FRMD6: variants seen among roughly 807,000 people sequenced by gnomAD.
FRMD6 encodes FERM domain containing 6.
In FRMD6, 37 loss-of-function variants were observed where a neutral mutation model predicts 73.2. The observed-to-expected ratio is 0.51, with a 90% CI of 0.39 to 0.66. FRMD6 has a LOEUF of 0.66. FRMD6 is among the 30% of genes least tolerant of loss of function. The probability of loss-of-function intolerance (pLI) is 0.00; values close to 1 mark genes in which losing one functional copy is unlikely to be tolerated. For missense variants in FRMD6, 714 were observed against 780.5 expected, an observed-to-expected ratio of 0.91 and a Z score of 1.02; for synonymous variants, 273 against 282.2, an observed-to-expected ratio of 0.97 and a Z score of 0.33.
At chr14:51,444,605 C>G in the FRMD6 span, among the ~76,000 whole-genome samples, 7 of 152,310 alleles carry the variant, frequency 4.6e-5, no homozygotes, top group South Asian at 2.1e-4. Flanking sequence ...TCTGACTCAT[C>G]TCTTTTAAGC....
At chr14:51,711,082 A>G (rs1226344111) in intron 7 of FRMD6, among the ~76,000 whole-genome samples, 1 of 152,206 alleles carries the variant, frequency 6.6e-6, no homozygotes, top group Non-Finnish European at 1.5e-5. Context: ...AGTTTTAAAC[A>G]TATAAAGTCT....
At chr14:51,510,930 C>T (rs978467536) in intron 1 of FRMD6, among the ~76,000 whole-genome samples, 1 of 152,136 alleles carries the variant, frequency 6.6e-6, no homozygotes, top group Non-Finnish European at 1.5e-5. Context: ...TTCTTCCTTT[C>T]GTCTCTGCTC....
intron 2 of FRMD6, among the ~76,000 whole-genome samples, chr14:51,620,840 G>T (rs1188336672): frequency 6.6e-6 from 1 of 152,202 alleles, no homozygotes; most frequent in Non-Finnish European, 1.5e-5. Flanking sequence ...CCCTGCTGCA[G>T]ACATATCATT....
chr14:51,549,635 G>T (rs1180502415), intron 1 of FRMD6, among the ~76,000 whole-genome samples: 4 of 113,732 alleles, frequency 3.5e-5, no homozygotes, highest in African/African-American at 7.0e-5. Flanking sequence ...TCTCGCTGTC[G>T]CCCGGGCTGG....
the FRMD6 span, among the ~76,000 whole-genome samples, chr14:51,451,598 C>G: frequency 6.6e-6 from 1 of 152,172 alleles, no homozygotes; most frequent in Non-Finnish European, 1.5e-5. Context: ...CCAGGCTGGT[C>G]TTTAACTCCT....
At chr14:51,449,882 C>G in the FRMD6 span, among the ~76,000 whole-genome samples, 13 of 152,324 alleles carry the variant, frequency 8.5e-5, no homozygotes, top group African/African-American at 2.6e-4. Flanking sequence ...ACTCTGATTT[C>G]CTCTGCCTAG....
the FRMD6 span, among the ~76,000 whole-genome samples, chr14:51,405,143 A>G: frequency 6.6e-6 from 1 of 152,150 alleles, no homozygotes; most frequent in African/African-American, 2.4e-5. Flanking sequence ...TCCATGGTAT[A>G]TATATACCAC....
chr14:51,569,876 C>CA (rs1403904301), intron 1 of FRMD6, among the ~76,000 whole-genome samples: 1 of 151,112 alleles, frequency 6.6e-6, no homozygotes, highest in Non-Finnish European at 1.5e-5. Context: ...AGTGCAGTGG[C>CA]GCGATCTCGG....
chr14:51,412,853 AAAAAT>A, the FRMD6 span, among the ~76,000 whole-genome samples: 1,982 of 152,150 alleles, frequency 0.013, 27 homozygotes, highest in African/African-American at 0.032. Flanking sequence ...TTCTGTCTAA[AAAAAT>A]AAAATAAAAT....
At chr14:51,532,091 A>G (rs1439334098) in intron 1 of FRMD6, among the ~76,000 whole-genome samples, 2 of 152,200 alleles carry the variant, frequency 1.3e-5, no homozygotes, top group Non-Finnish European at 2.9e-5. Context: ...TATTGGGGCC[A>G]GGCGTGGTGG....
rs113568719 is a variant in FRMD6, at chr14:51,717,516, A to G, written c.1024+2017A>G. On this transcript the variant is annotated intron_variant, in intron 10 of 13. Coordinates refer to ENST00000344768, the MANE Select transcript of FRMD6 (RefSeq NM_001267046.2). ...TGATATCATATGATTTATGATAGCA[A>G]TTAGATTTCAACCTGAGTTTAGGAG... 6.7e-3 allele frequency among the ~76,000 whole-genome samples: 1,024 copies of G among 152,312 alleles called. 13 individuals carry two copies. The highest frequency in any genetic ancestry group is 0.024 in the African/African-American group (977 of 41,560).
At chr14:51,590,607 C>G (rs61711383) in intron 2 of FRMD6, among the ~76,000 whole-genome samples, 8,098 of 152,230 alleles carry the variant, frequency 0.053, 289 homozygotes, top group Middle Eastern at 0.088. Flanking sequence ...ACTCTCAGAA[C>G]AGTAACGACA....
intron 5 of FRMD6, 87 bp downstream of exon 5, chr14:51,702,675 C>A: frequency 9.3e-7 from 1 of 1,074,830 alleles, no homozygotes; most frequent in Non-Finnish European, 1.4e-6. Flanking sequence ...TGTGTTTATT[C>A]TTTGTCTTCA....
intron 1 of FRMD6, among the ~76,000 whole-genome samples, chr14:51,545,831 T>C (rs1174727176): frequency 2.0e-5 from 3 of 152,106 alleles, no homozygotes; most frequent in African/African-American, 7.2e-5. Context: ...TATTTGACAA[T>C]TTTACTAGCA....
Position 51,728,884 on chromosome 14 carries a change from C to T in FRMD6, c.*855C>T, listed in dbSNP as rs1450664600. ...TTATCAAGAACAAATTATGGCAATG[C>T]TAGTTTCTGCTTAACCAAAATACTC... On this transcript the variant is annotated 3_prime_UTR_variant, in exon 14 of 14. Transcript: ENST00000344768. 1 of 152,162 alleles carries T rather than the reference C, an allele frequency of 6.6e-6. No individual in the cohort carries two copies. Among genetic ancestry groups the T allele is most frequent in the Admixed American group, 6.5e-5 (1 of 15,280 alleles). 9.4% of individuals were successfully genotyped at this position (152,162 alleles called of 1,614,324 possible).
the FRMD6 span, among the ~76,000 whole-genome samples, chr14:51,429,020 G>A: frequency 3.3e-4 from 47 of 144,462 alleles, 1 homozygote; most frequent in South Asian, 0.01. Flanking sequence ...GAGAGAGGGT[G>A]GGAGAGAGAG....
intron 1 of FRMD6, among the ~76,000 whole-genome samples, chr14:51,540,180 G>T (rs1261994185): frequency 1.3e-5 from 2 of 152,128 alleles, no homozygotes; most frequent in East Asian, 3.9e-4. Context: ...GGAACCAAGA[G>T]AAGACTAGCT....
At chr14:51,661,699 C>G (rs906943518) in intron 1 of FRMD6, among the ~76,000 whole-genome samples, 1 of 152,148 alleles carries the variant, frequency 6.6e-6, no homozygotes, top group Non-Finnish European at 1.5e-5. Context: ...GAGAGTTGCT[C>G]ATTGGATTTA....
At chr14:51,444,409 T>G in the FRMD6 span, among the ~76,000 whole-genome samples, 1 of 152,194 alleles carries the variant, frequency 6.6e-6, no homozygotes, top group Non-Finnish European at 1.5e-5. Flanking sequence ...CTGAGAGTTG[T>G]TTGTACAGGG....
Sources: gnomAD v4.1 joint callset for allele counts (sites outside exome capture counted in the v4.1 genomes callset) on GRCh38, gnomAD v4.1.1 for gene constraint, MANE v1.5 for transcripts, NCBI Gene and HGNC (gene_info 2026-07-23, HGNC 2026-07-21) for gene names.